HDAC9: variants seen among roughly 807,000 people sequenced by gnomAD.
The protein encoded by HDAC9 is histone deacetylase 9.
A neutral mutation model predicts 139.4 loss-of-function variants in HDAC9; 41 were observed. That is an observed-to-expected ratio of 0.29 (90% confidence interval 0.23 to 0.38). The LOEUF is 0.38. HDAC9 is among the 10% of genes least tolerant of loss of function. HDAC9 has a pLI of 1.00. For synonymous variants in HDAC9, 517 were observed against 476.2 expected (o/e 1.09, Z -1.12); for missense variants, 1,147 against 1,297.0 (o/e 0.88, Z 1.78).
intron 1 of HDAC9, among the ~76,000 whole-genome samples, chr7:18,322,362 T>C (rs1800094192): frequency 6.6e-6 from 1 of 152,210 alleles, no homozygotes; most frequent in Non-Finnish European, 1.5e-5. Context: ...GTCATGGTTC[T>C]AAGCTATCAC....
intron 1 of HDAC9, among the ~76,000 whole-genome samples, chr7:18,452,943 C>T (rs113330858): frequency 0.01 from 1,552 of 152,278 alleles, 26 homozygotes; most frequent in African/African-American, 0.035. Context: ...AACTTGGACA[C>T]ACATAATATA....
At chr7:18,248,837 T>A (rs528187138) in intron 2 of HDAC9, among the ~76,000 whole-genome samples, 81 of 152,352 alleles carry the variant, frequency 5.3e-4, no homozygotes, top group African/African-American at 1.9e-3. Flanking sequence ...CATTCAGCGA[T>A]TTATTCATTC....
intron 12 of HDAC9, among the ~76,000 whole-genome samples, chr7:18,693,087 AAAAT>A (rs995730572): frequency 6.6e-6 from 1 of 151,994 alleles, no homozygotes; most frequent in African/African-American, 2.4e-5. Flanking sequence ...AATTAAAAAT[AAAAT>A]AAAACTTTAA....
rs1792446571 is a variant in HDAC9, at chr7:18,447,944, A to C, written c.-41-48318A>C. On this transcript the variant is annotated intron_variant, in intron 1 of 3. Transcript: ENST00000413509. Reference sequence around the variant, plus strand: ...GCAGTTCTGCCTCCTGGGTTCAAGCAATTCTCCTGCCTTAGCTTCCCTAAT... The same window carrying C: ...GCAGTTCTGCCTCCTGGGTTCAAGCCATTCTCCTGCCTTAGCTTCCCTAAT... Among the ~76,000 whole-genome samples, 4 of 152,128 alleles carry C rather than the reference A, an allele frequency of 2.6e-5. No homozygotes were observed. In the South Asian group the frequency reaches 8.3e-4, roughly 31 times the overall value.
chr7:18,746,033 C>G (rs549236064), intron 13 of HDAC9, among the ~76,000 whole-genome samples: 31 of 151,490 alleles, frequency 2.0e-4, no homozygotes, highest in African/African-American at 7.5e-4. Flanking sequence ...CCATTCCTGG[C>G]TAGTTTTTAA....
intron 1 of HDAC9, among the ~76,000 whole-genome samples, chr7:18,443,423 A>G (rs1791975063): frequency 6.6e-6 from 1 of 152,194 alleles, no homozygotes; most frequent in Non-Finnish European, 1.5e-5. Flanking sequence ...TGTTCTAGGA[A>G]GAACACACAT....
intron 12 of HDAC9, among the ~76,000 whole-genome samples, chr7:18,718,493 A>G (rs550370242): frequency 6.6e-6 from 1 of 152,254 alleles, no homozygotes; most frequent in Admixed American, 6.5e-5. Flanking sequence ...TCGGCCTCCC[A>G]AAGTGTTAGG....
chr7:18,427,599 G>A (rs2114726), intron 1 of HDAC9, among the ~76,000 whole-genome samples: 4,266 of 151,498 alleles, frequency 0.028, 91 homozygotes, highest in Middle Eastern at 0.041. Flanking sequence ...ATGGCTCTTG[G>A]ATTATTACAG....
intron 1 of HDAC9, among the ~76,000 whole-genome samples, chr7:18,145,239 A>C (rs1007183901): frequency 6.6e-6 from 1 of 152,216 alleles, no homozygotes; most frequent in African/African-American, 2.4e-5. Flanking sequence ...CTTTGCTTTC[A>C]TGGAGCTTGT....
chr7:18,186,686 A>G (rs901346793), intron 2 of HDAC9, among the ~76,000 whole-genome samples: 7 of 152,208 alleles, frequency 4.6e-5, no homozygotes, highest in Non-Finnish European at 8.8e-5. Context: ...AAGTCACTCA[A>G]CTTTTCTGAA....
chr7:18,867,314 C>G (rs1286639338), intron 21 of HDAC9, among the ~76,000 whole-genome samples: 2 of 152,146 alleles, frequency 1.3e-5, no homozygotes, highest in Non-Finnish European at 2.9e-5. Context: ...CCTTATTCTC[C>G]TACGATGGCA....
intron 2 of HDAC9, among the ~76,000 whole-genome samples, chr7:18,235,250 C>T (rs756301209): frequency 6.4e-4 from 97 of 152,034 alleles, no homozygotes; most frequent in Middle Eastern, 6.8e-3. Flanking sequence ...ATCACTTTAT[C>T]AAAATCTGAC....
intron 17 of HDAC9, 80 bp from the exon 18 acceptor site, chr7:18,829,064 GTGTGCCTGAGGCACTGT>G: frequency 4.8e-6 from 4 of 834,018 alleles, no homozygotes; most frequent in Non-Finnish European, 8.5e-6. Flanking sequence ...TTTTGTGTGT[GTGTGCCTGAGGCACTGT>G]TGTGCCTGGA....
chr7:18,593,772 C>G (rs189832049), intron 5 of HDAC9, 136 bp from the exon 6 acceptor site: 107 of 842,674 alleles, frequency 1.3e-4, no homozygotes, highest in Non-Finnish European at 5.7e-6. Context: ...TTATGTGAGG[C>G]TATGGTTTGT....
At chr7:18,850,844 C>T (rs1797234683) in intron 21 of HDAC9, among the ~76,000 whole-genome samples, 1 of 152,120 alleles carries the variant, frequency 6.6e-6, no homozygotes, top group East Asian at 1.9e-4. Flanking sequence ...TCATAGATGG[C>T]ACCTTCTAGC....
intron 12 of HDAC9, among the ~76,000 whole-genome samples, chr7:18,689,356 A>G (rs74650612): frequency 1.3e-5 from 2 of 152,026 alleles, no homozygotes; most frequent in East Asian, 3.9e-4. Context: ...AGAAACGCCC[A>G]TTGGCTTTTC....
intron 17 of HDAC9, among the ~76,000 whole-genome samples, chr7:18,815,904 G>A (rs1330367087): frequency 6.6e-6 from 1 of 152,172 alleles, no homozygotes; most frequent in Non-Finnish European, 1.5e-5. Flanking sequence ...TTTTCTTTGT[G>A]AAAATTCCCT....
At chr7:18,189,231 A>T (rs1223915815) in intron 2 of HDAC9, among the ~76,000 whole-genome samples, 1 of 152,014 alleles carries the variant, frequency 6.6e-6, no homozygotes, top group Non-Finnish European at 1.5e-5. Flanking sequence ...TCCTCAGCAA[A>T]CTAACACAGG....
At chr7:18,373,879 G>A (rs902777564) in intron 1 of HDAC9, among the ~76,000 whole-genome samples, 2 of 151,786 alleles carry the variant, frequency 1.3e-5, no homozygotes, top group Non-Finnish European at 2.9e-5. Context: ...TTTTTTTGTG[G>A]TTGACATTTG....
Sources: allele counts gnomAD v4.1 joint callset (sites outside exome capture counted in the v4.1 genomes callset), GRCh38; gene constraint gnomAD v4.1.1; transcripts MANE v1.5; gene names NCBI Gene and HGNC (gene_info 2026-07-23, HGNC 2026-07-21).